The following FAM229A variants were observed in gnomAD, a reference collection of about 807,000 sequenced individuals.
The protein encoded by FAM229A is family with sequence similarity 229 member A.
Under a neutral mutation model 10.0 loss-of-function variants are expected in FAM229A, and 9 were observed. The ratio of observed to expected loss-of-function variants is 0.90; its 90% CI spans 0.54 to 1.56. The LOEUF (loss-of-function observed/expected upper bound fraction) is 1.56, where lower values mean the gene tolerates loss of function less well. Among genes scored for constraint, FAM229A ranks in the 40% most tolerant of loss-of-function variants. The pLI is 0.00. For synonymous variants in FAM229A, 93 were observed against 90.1 expected (o/e 1.03, Z -0.19); for missense variants, 196 against 197.6 (o/e 0.99, Z 0.05).
At position 32,362,406 on chromosome 1, in the gene FAM229A, G is replaced by A. The variant is rs1641719888; in HGVS notation, c.-315C>T. On this transcript the variant is annotated 5_prime_UTR_variant, in exon 1 of 3. Coordinates refer to ENST00000432622, the MANE Select transcript of FAM229A (RefSeq NM_001167676.2). ...CTGGCACGGGGGCGGGCTCGGCGGT[G>A]ACTTAATCCGGGCTGAGTTTGGTGG... The A allele has an allele frequency of 2.5e-5, 12 of 486,698 alleles. No homozygotes were observed. The South Asian group carries it at 4.4e-4, about 18-fold the overall frequency. 30.1% of individuals were successfully genotyped at this position (486,698 alleles called of 1,614,324 possible).
rs1390109479 is a variant in FAM229A, at chr1:32,362,102, G to A, written c.-11C>T. 6.4e-5 allele frequency: 88 copies of A among 1,371,498 alleles called. No individual in the cohort carries two copies. The highest frequency in any genetic ancestry group is 7.9e-5 in the Non-Finnish European group (84 of 1,064,864). The allele number at this position is 1,371,498 out of a possible 1,614,324, so 85.0% of individuals were successfully genotyped here. ...CGAGGAGGGCAGCATTGTGACCCGG[G>A]CCGCGGCGCGCTGACCTCACAGAGC... On this transcript the variant is annotated 5_prime_UTR_variant, in exon 1 of 3. Coordinates refer to ENST00000432622, the MANE Select transcript of FAM229A (RefSeq NM_001167676.2).
At position 32,361,876 on chromosome 1, in the gene FAM229A, T is replaced by C; in HGVS notation, c.135A>G (p.Arg45=). 7.5e-7 allele frequency: 1 copy of C among 1,340,142 alleles called. No individual in the cohort carries two copies. The highest frequency in any genetic ancestry group is 1.9e-5 in the South Asian group (1 of 53,828). 83.0% of individuals were successfully genotyped at this position (1,340,142 alleles called of 1,614,324 possible). Residue 45 remains arginine (R), a splice_region_variant and synonymous_variant, in exon 2 of 3, where the codon AGA becomes AGG. Transcript: ENST00000432622. ...SSLGPVSTAG[R]APRGLDMSAQ... Reference sequence around the variant, plus strand: ...CGCTCATGTCCAAGCCCCGGGGCGCTCTGCGCGGGGAGTGGCGGTCAGGCC... The same window carrying C: ...CGCTCATGTCCAAGCCCCGGGGCGCCCTGCGCGGGGAGTGGCGGTCAGGCC...
In FAM229A at chr1:32,361,810, G is replaced by A. The variant is rs1038145026; in HGVS notation, c.201C>T (p.Ala67=). The part of the protein sequence containing the change: ...PPQGRRFPIE[A]GDSRGLAAAP... ...CGGCGGCAAGGCCACGGGAGTCTCC[G>A]GCCTCAATGGGGAATCTCCGACCCT... The change falls in exon 2 of 3, where the codon GCC becomes GCT. Residue 67 remains alanine (A), a synonymous_variant. Transcript: ENST00000432622. 3 of 1,329,246 alleles carry A rather than the reference G, an allele frequency of 2.3e-6. No individual in the cohort carries two copies. The highest frequency in any genetic ancestry group is 2.9e-6 in the Non-Finnish European group (3 of 1,042,828). The allele number at this position is 1,329,246 out of a possible 1,614,324, so 82.3% of individuals were successfully genotyped here.
rs1237053010 is a variant in FAM229A at position 32,362,039 on chromosome 1, GCCGGGCAGGTCTCTGTGGCGTGCCCGGGC to G, written c.24_52del (p.Pro9SerfsTer18). 10 of 1,478,692 alleles carry G rather than the reference GCCGGGCAGGTCTCTGTGGCGTGCCCGGGC, an allele frequency of 6.8e-6. No individual in the cohort carries two copies. Among genetic ancestry groups the G allele is most frequent in the Admixed American group, 4.6e-5 (2 of 43,608 alleles). The allele number at this position is 1,478,692 out of a possible 1,614,324, so 91.6% of individuals were successfully genotyped here. A position where few individuals can be genotyped will look rare whatever the true frequency, so the allele number is the denominator to read the frequency against. ...GGGAGAACGCTCCGGTCCAGGCGGAGCCGGGCAGGTCTCTGTGGCGTGCCCGGGCCCGGGCGTCGAGGAGGGCAGCATTG... is the reference window on the plus strand; with the variant it reads ...GGGAGAACGCTCCGGTCCAGGCGGAGCCGGGCGTCGAGGAGGGCAGCATTG... On this transcript the variant is annotated frameshift_variant, in exon 1 of 3. Coordinates refer to ENST00000432622, the MANE Select transcript of FAM229A (RefSeq NM_001167676.2). LOFTEE classifies it high-confidence loss of function.
chr1:32,361,590 G>C (rs1276244440), intron 2 of FAM229A, 55 bp from the exon 3 acceptor site: 8 of 1,276,714 alleles, frequency 6.3e-6, no homozygotes, highest in Non-Finnish European at 8.0e-6. Context: ...GGCCCATCCT[G>C]TGGGGCGCAC....
At chr1:32,361,631 C>G in intron 2 of FAM229A, 96 bp from the exon 3 acceptor site, 1 of 1,254,554 alleles carries the variant, frequency 8.0e-7, no homozygotes, top group South Asian at 2.5e-5. Context: ...CCCCGGGGGT[C>G]CGGACGTGGA....
chr1:32,362,001 G>A lies in FAM229A; in HGVS notation c.91C>T (p.Pro31Ser). ...GPERSPAARA[P>S]AAASSLGPVS... Reference sequence around the variant, plus strand: ...GGTCCCAGGCTAGAAGCAGCTGCCGGAGCCCTGGCCGCGGGAGAACGCTCC... The same window carrying A: ...GGTCCCAGGCTAGAAGCAGCTGCCGAAGCCCTGGCCGCGGGAGAACGCTCC... The change falls in exon 1 of 3, where the codon CCG becomes TCG. Residue 31 changes from proline to serine, a missense_variant. Pro to Ser is a moderately conservative substitution (Grantham distance 74). Coordinates refer to ENST00000432622, the MANE Select transcript of FAM229A (RefSeq NM_001167676.2). The A allele has an allele frequency of 6.7e-7, 1 of 1,485,580 alleles. No individual in the cohort carries two copies. Among genetic ancestry groups the A allele is most frequent in the Non-Finnish European group, 8.9e-7 (1 of 1,125,312 alleles). The allele number at this position is 1,485,580 out of a possible 1,614,324, so 92.0% of individuals were successfully genotyped here.
chr1:32,361,909 GGTCGC>G, intron 1 of FAM229A, 33 bp from the exon 2 acceptor site: 1 of 1,378,612 alleles, frequency 7.3e-7, no homozygotes, highest in Non-Finnish European at 9.3e-7. Flanking sequence ...GCCTCTCCCG[GGTCGC>G]CGGGCGCCGC....
Position 32,362,070 on chromosome 1 carries a change from C to A in FAM229A, c.22G>T (p.Gly8Trp). The A allele has an allele frequency of 7.0e-7, 1 of 1,427,756 alleles. No individual in the cohort carries two copies. 88.4% of individuals were successfully genotyped at this position (1,427,756 alleles called of 1,614,324 possible). The change falls in exon 1 of 3, where the codon GGG becomes TGG. Residue 8 changes from glycine to tryptophan, a missense_variant. Gly to Trp is a radical substitution (Grantham distance 184, BLOSUM62 -2). Coordinates refer to ENST00000432622, the MANE Select transcript of FAM229A (RefSeq NM_001167676.2). MLPSSTP[G>W]PGHATETCPA... ...CAGGTCTCTGTGGCGTGCCCGGGCC[C>A]GGGCGTCGAGGAGGGCAGCATTGTG...
Position 32,362,395 on chromosome 1 carries a change from G to C in FAM229A, c.-304C>G. 2.1e-6 allele frequency: 1 copy of C among 481,938 alleles called. No individual in the cohort carries two copies. Among genetic ancestry groups the C allele is most frequent in the Non-Finnish European group, 3.6e-6 (1 of 278,714 alleles). The allele number at this position is 481,938 out of a possible 1,614,324, so 29.9% of individuals were successfully genotyped here. On this transcript the variant is annotated 5_prime_UTR_variant, in exon 1 of 3. Transcript: ENST00000432622. ...CAACTCAATGCCTGGCACGGGGGCG[G>C]GCTCGGCGGTGACTTAATCCGGGCT... is the stretch of plus-strand genomic sequence containing the variant.
chr1:32,361,572 AG>A, intron 2 of FAM229A, 37 bp from the exon 3 acceptor site: 1 of 1,306,986 alleles, frequency 7.7e-7, no homozygotes, highest in Non-Finnish European at 9.8e-7. Flanking sequence ...CCGCTGAGGC[AG>A]GGGCTTGGCC....
rs529498823 is a variant in FAM229A, at chr1:32,361,483, T to C, written c.334A>G (p.Ile112Val). The C allele has an allele frequency of 1.1e-4, 152 of 1,383,128 alleles. 2 individuals carry two copies. The African/African-American group carries it at 2.0e-3, about 18-fold the overall frequency. 85.7% of individuals were successfully genotyped at this position (1,383,128 alleles called of 1,614,324 possible). A position where few individuals can be genotyped will look rare whatever the true frequency, so the allele number is the denominator to read the frequency against. The change falls in exon 3 of 3, where the codon ATC becomes GTC. Residue 112 changes from isoleucine (I) to valine (V), a missense_variant. Transcript: ENST00000432622. ...CCGCCCATGGCGAGGTAGACGTCGATGGGCACGTGCAGCAGCGTCAGGCAG... is the reference window on the plus strand; with the variant it reads ...CCGCCCATGGCGAGGTAGACGTCGACGGGCACGTGCAGCAGCGTCAGGCAG... Reference protein sequence around the residue: ...CHCLTLLHVPIDVYLAMGGSP... With the variant: ...CHCLTLLHVPVDVYLAMGGSP...
In FAM229A at chr1:32,361,397, G is replaced by T. The variant is rs1279735300; in HGVS notation, c.*36C>A. The stretch of plus-strand genomic sequence containing the variant: ...GTGGCCCGCTGGGGGCCTCGTTCCC[G>T]CCCAGCTCCCGCGGAGCCGCAGGGA... On this transcript the variant is annotated 3_prime_UTR_variant, in exon 3 of 3. Transcript: ENST00000432622. 2.5e-6 allele frequency: 3 copies of T among 1,215,512 alleles called. No individual in the cohort carries two copies. The highest frequency in any genetic ancestry group is 3.1e-6 in the Non-Finnish European group (3 of 956,168). The allele number at this position is 1,215,512 out of a possible 1,614,324, so 75.3% of individuals were successfully genotyped here.
In FAM229A at chr1:32,362,279, G is replaced by A; in HGVS notation, c.-188C>T. The stretch of plus-strand genomic sequence containing the variant: ...CACCCGAGGGGGGCGCAGCAGGCCA[G>A]GGCAACCCGCCGCGAGGCGGCGTCC... On this transcript the variant is annotated 5_prime_UTR_variant, in exon 1 of 3. Transcript: ENST00000432622. 1 of 804,314 alleles carries A rather than the reference G, an allele frequency of 1.2e-6. No individual in the cohort carries two copies. Among genetic ancestry groups the A allele is most frequent in the Non-Finnish European group, 1.7e-6 (1 of 584,982 alleles). The allele number at this position is 804,314 out of a possible 1,614,324, so 49.8% of individuals were successfully genotyped here. A position where few individuals can be genotyped will look rare whatever the true frequency, so the allele number is the denominator to read the frequency against.
rs1641698576 is a variant in FAM229A, at chr1:32,361,332, G to A, written c.*101C>T. Reference sequence around the variant, plus strand: ...GCATCATTCTTTTATTTTAAAATGTGCATCATTGTCTCGTGCTCGGCGCAT... The same window carrying A: ...GCATCATTCTTTTATTTTAAAATGTACATCATTGTCTCGTGCTCGGCGCAT... On this transcript the variant is annotated 3_prime_UTR_variant, in exon 3 of 3. Coordinates refer to ENST00000432622, the MANE Select transcript of FAM229A (RefSeq NM_001167676.2). 2 of 491,356 alleles carry A rather than the reference G, an allele frequency of 4.1e-6. No homozygotes were observed. Among genetic ancestry groups the A allele is most frequent in the East Asian group, 3.6e-5 (1 of 28,168 alleles). The allele number at this position is 491,356 out of a possible 1,614,324, so 30.4% of individuals were successfully genotyped here. A position where few individuals can be genotyped will look rare whatever the true frequency, so the allele number is the denominator to read the frequency against.
Position 32,361,525 on chromosome 1 carries a change from G to T in FAM229A, c.292C>A (p.Arg98Ser). The stretch of plus-strand genomic sequence containing the variant: ...GTCAGGCAGTGGCATCCAGGGCAGC[G>T]ACGAAGCGGCCTGGGGAAATTGACG... ...TEHNPVRPLR[R>S]CPGCHCLTLL... Residue 98 changes from arginine (R) to serine (S), a missense_variant, in exon 3 of 3, where the codon CGC becomes AGC. Transcript: ENST00000432622. The T allele has an allele frequency of 7.4e-7, 1 of 1,358,306 alleles. No individual in the cohort carries two copies. The highest frequency in any genetic ancestry group is 9.5e-7 in the Non-Finnish European group (1 of 1,054,454). 84.1% of individuals were successfully genotyped at this position (1,358,306 alleles called of 1,614,324 possible).
In FAM229A at chr1:32,361,460, G is replaced by C; in HGVS notation, c.357C>G (p.Gly119=). ...HVPIDVYLAM[G]GSPRARAT is the part of the protein sequence containing the mutation. ...ACGTGGCGCGGGCCCGGGGGCTCCC[G>C]CCCATGGCGAGGTAGACGTCGATGG... Residue 119 remains glycine, a synonymous_variant, in exon 3 of 3, where the codon GGC becomes GGG. Transcript: ENST00000432622. The C allele has an allele frequency of 7.3e-7, 1 of 1,371,834 alleles. No homozygotes were observed. The highest frequency in any genetic ancestry group is 1.6e-5 in the South Asian group (1 of 62,874). The allele number at this position is 1,371,834 out of a possible 1,614,324, so 85.0% of individuals were successfully genotyped here.
In FAM229A at chr1:32,361,782, G is replaced by GACAA; in HGVS notation, c.228_229insTTGT (p.Pro77LeufsTer86). 1 of 1,324,232 alleles carries GACAA rather than the reference G, an allele frequency of 7.6e-7. No homozygotes were observed. The highest frequency in any genetic ancestry group is 9.6e-7 in the Non-Finnish European group (1 of 1,039,532). The allele number at this position is 1,324,232 out of a possible 1,614,324, so 82.0% of individuals were successfully genotyped here. On this transcript the variant is annotated frameshift_variant, in exon 2 of 3. Transcript: ENST00000432622. LOFTEE classifies it high-confidence loss of function. ...GCCTCCGGGCTGTCCTGGGACTCGG[G>GACAA]GGCGGCGGCAAGGCCACGGGAGTCT...
At position 32,362,447 on chromosome 1, in the gene FAM229A, G is replaced by C. The variant is rs2148096052; in HGVS notation, c.-356C>G. ...AGTTTGGTGGTGGTAGTGAGGGCAG[G>C]TAGGGGCACTGCCCATTTTGGCCAA... On this transcript the variant is annotated 5_prime_UTR_variant, in exon 1 of 3. Coordinates refer to ENST00000432622, the MANE Select transcript of FAM229A (RefSeq NM_001167676.2). 1 of 537,026 alleles carries C rather than the reference G, an allele frequency of 1.9e-6. No individual in the cohort carries two copies. The highest frequency in any genetic ancestry group is 3.3e-6 in the Non-Finnish European group (1 of 306,184). 33.3% of individuals were successfully genotyped at this position (537,026 alleles called of 1,614,324 possible).
Sources: gnomAD v4.1 joint callset for allele counts on GRCh38, gnomAD v4.1.1 for gene constraint, MANE v1.5 for transcripts, NCBI Gene and HGNC (gene_info 2026-07-23, HGNC 2026-07-21) for gene names.